MAD1L1: variants seen among roughly 807,000 people sequenced by gnomAD.
The protein encoded by MAD1L1 is mitotic spindle assembly checkpoint protein MAD1.
A neutral mutation model predicts 96.9 loss-of-function variants in MAD1L1; 95 were observed. The ratio of observed to expected loss-of-function variants is 0.98; its 90% CI spans 0.83 to 1.16. The LOEUF (loss-of-function observed/expected upper bound fraction) is 1.16. MAD1L1 is among the 50% of genes most tolerant of loss of function. MAD1L1 has a pLI of 0.00. For missense variants in MAD1L1, 1,007 were observed against 954.4 expected, an observed-to-expected ratio of 1.06 and a Z score of -0.73; for synonymous variants, 473 against 396.6, an observed-to-expected ratio of 1.19 and a Z score of -2.29.
rs572041980 is a variant in MAD1L1, at chr7:2,124,364, G to C, written c.1073+24788C>G. On this transcript the variant is annotated intron_variant, in intron 11 of 18. Transcript: ENST00000265854. ...TGGAACTACCACGGGGCGTGGAACT[G>C]ATTTGGGAAGAGCCCAACGTGCCGA... Among the ~76,000 whole-genome samples the C allele has an allele frequency of 1.9e-4, 29 of 152,242 alleles. 1 individual carries two copies.
intron 16 of MAD1L1, among the ~76,000 whole-genome samples, chr7:1,942,495 G>A (rs1779047531): frequency 6.6e-6 from 1 of 152,220 alleles, no homozygotes; most frequent in South Asian, 2.1e-4. Context: ...GGAGCCCTGT[G>A]CTGAGGCCCG....
chr7:2,113,838 C>A (rs1473322141), intron 11 of MAD1L1, among the ~76,000 whole-genome samples: 1 of 152,220 alleles, frequency 6.6e-6, no homozygotes, highest in East Asian at 1.9e-4. Flanking sequence ...ATCAGACTCG[C>A]TCCAACTGAG....
intron 12 of MAD1L1, 63 bp from the exon 13 acceptor site, chr7:2,014,705 G>A: frequency 1.3e-6 from 2 of 1,516,766 alleles, no homozygotes; most frequent in South Asian, 2.6e-5. Flanking sequence ...GATGGAGACG[G>A]CTCAGGGAAG....
At chr7:2,025,144 G>A (rs1782944905) in intron 12 of MAD1L1, among the ~76,000 whole-genome samples, 1 of 152,216 alleles carries the variant, frequency 6.6e-6, no homozygotes, top group Non-Finnish European at 1.5e-5. Context: ...AATCATATGA[G>A]AGCTCTATGC....
rs114942848 is a variant in MAD1L1, at chr7:1,883,276, C to A, written c.1998+14924G>T. Among the ~76,000 whole-genome samples, 1,265 of 152,312 alleles carry A rather than the reference C, an allele frequency of 8.3e-3. 15 individuals carry two copies. Among genetic ancestry groups the A allele is most frequent in the African/African-American group, 0.029 (1,211 of 41,548 alleles). ...CCAAACTGTGAATCACAAATGTCCA[C>A]CCCTTCCCCCACCATGAGCTCCTTA... On this transcript the variant is annotated intron_variant, in intron 18 of 18. Transcript: ENST00000265854.
rs3779005 is a variant in MAD1L1, at chr7:2,146,347, C to T, written c.1073+2805G>A. ...ACAGGGCACCGCCTCGAAGAGGGAG[C>T]ACCGGGCACTGGGCTACGAGGAACA... On this transcript the variant is annotated intron_variant, in intron 11 of 18. Transcript: ENST00000265854. This position sits in a 1 kb window ranked among gnomAD's most constrained non-coding sequence, Gnocchi z 6.2. Among the ~76,000 whole-genome samples the T allele has an allele frequency of 5.4e-4, 81 of 149,970 alleles. No individual in the cohort carries two copies. The East Asian group carries it at 0.015, about 28-fold the overall frequency.
intron 14 of MAD1L1, among the ~76,000 whole-genome samples, chr7:2,000,324 G>A (rs1019384941): frequency 6.6e-6 from 1 of 152,048 alleles, no homozygotes; most frequent in Non-Finnish European, 1.5e-5. Flanking sequence ...TCCCACCCCG[G>A]CCTGCCACTT....
intron 17 of MAD1L1, among the ~76,000 whole-genome samples, chr7:1,932,106 G>C (rs1789513153): frequency 6.6e-6 from 1 of 152,218 alleles, no homozygotes; most frequent in Non-Finnish European, 1.5e-5. Flanking sequence ...TTCTGTCCTA[G>C]AATCTCTGGT....
At chr7:2,052,199 G>A (rs1383452388) in intron 12 of MAD1L1, among the ~76,000 whole-genome samples, 3 of 152,108 alleles carry the variant, frequency 2.0e-5, no homozygotes, top group African/African-American at 7.2e-5. Flanking sequence ...TATCGTCCTC[G>A]CCACGCGCAC....
intron 12 of MAD1L1, among the ~76,000 whole-genome samples, chr7:2,042,103 A>ATG (rs1554341845): frequency 2.7e-5 from 4 of 146,676 alleles, no homozygotes; most frequent in African/African-American, 1.0e-4. Flanking sequence ...ACACACGCAC[A>ATG]TGTGCACACA....
intron 18 of MAD1L1, among the ~76,000 whole-genome samples, chr7:1,854,803 G>T (rs1784161276): frequency 6.6e-6 from 1 of 152,242 alleles, no homozygotes; most frequent in African/African-American, 2.4e-5. Flanking sequence ...CACATACGGG[G>T]GAGACAAAGG....
At chr7:2,217,128 G>T (rs1793326454) in intron 7 of MAD1L1, among the ~76,000 whole-genome samples, 1 of 152,192 alleles carries the variant, frequency 6.6e-6, no homozygotes, top group Admixed American at 6.5e-5. Context: ...GCCCACTTCT[G>T]CCACTCTAGC....
intron 11 of MAD1L1, among the ~76,000 whole-genome samples, chr7:2,070,853 C>A (rs561758555): frequency 2.0e-5 from 3 of 152,206 alleles, no homozygotes; most frequent in Non-Finnish European, 4.4e-5. Flanking sequence ...TGCTTCTGCT[C>A]GGCCTTAGTT....
At chr7:2,203,763 GCTT>G (rs1792439398) in intron 10 of MAD1L1, among the ~76,000 whole-genome samples, 1 of 152,206 alleles carries the variant, frequency 6.6e-6, no homozygotes, top group Non-Finnish European at 1.5e-5. Context: ...TACATAAAGA[GCTT>G]CTATGTACAC....
At chr7:2,042,250 CAG>C (rs1783718520) in intron 12 of MAD1L1, among the ~76,000 whole-genome samples, 1 of 151,390 alleles carries the variant, frequency 6.6e-6, no homozygotes, top group Non-Finnish European at 1.5e-5. Flanking sequence ...CACACGTACA[CAG>C]ACACACATAC....
intron 10 of MAD1L1, among the ~76,000 whole-genome samples, chr7:2,154,741 C>G (rs1286615586): frequency 6.6e-6 from 1 of 152,106 alleles, no homozygotes; most frequent in Admixed American, 6.5e-5. Context: ...CAGAGCACTC[C>G]ATATCAGAAA....
chr7:1,976,505 G>A (rs1251132152), intron 15 of MAD1L1, among the ~76,000 whole-genome samples: 1 of 152,222 alleles, frequency 6.6e-6, no homozygotes, highest in Admixed American at 6.5e-5. Flanking sequence ...GACCTTCGTG[G>A]TGAGTGCTAC....
chr7:2,231,676 GAC>G (rs1381158311), intron 1 of MAD1L1, among the ~76,000 whole-genome samples: 2 of 152,092 alleles, frequency 1.3e-5, no homozygotes, highest in Non-Finnish European at 2.9e-5. Context: ...ATGCAACAGT[GAC>G]AGTAAAGATG....
intron 12 of MAD1L1, among the ~76,000 whole-genome samples, chr7:2,042,790 T>C (rs1049968444): frequency 6.6e-6 from 1 of 152,166 alleles, no homozygotes; most frequent in African/African-American, 2.4e-5. Context: ...CTGTGCTTCC[T>C]GTACAGTCCG....
Sources: gnomAD v4.1 joint callset for allele counts (sites outside exome capture counted in the v4.1 genomes callset) on GRCh38, gnomAD v4.1.1 for gene constraint, Gnocchi (gnomAD v3.1) non-coding constraint, MANE v1.5 for transcripts, NCBI Gene and HGNC (gene_info 2026-07-23, HGNC 2026-07-21) for gene names.